Variants in TMEM275 observed in about 807,000 individuals in gnomAD.
TMEM275 encodes transmembrane protein 275.
chr1:46,532,698 A>C, exon 2 of TMEM275: 1 of 254,512 alleles, frequency 3.9e-6, no homozygotes, highest in Non-Finnish European at 7.4e-6. Context: ...ACTTTCAGCA[A>C]GCTGGATGGG....
rs1666707569 is a variant in TMEM275, at chr1:46,534,051, C to CAAAT, written c.-123-405_-123-402dup. Among the ~76,000 whole-genome samples, 1 of 152,160 alleles carries CAAAT rather than the reference C, an allele frequency of 6.6e-6. No individual in the cohort carries two copies. Among genetic ancestry groups the CAAAT allele is most frequent in the South Asian group, 2.1e-4 (1 of 4,820 alleles). On this transcript the variant is annotated intron_variant, in intron 1 of 1. Transcript: ENST00000634804. ...TCTTCAGTAGTCCTAACTAGTAAGG[C>CAAAT]AAATGGCAGCTCTTGGGATTTAGGC...
intron 1 of TMEM275, among the ~76,000 whole-genome samples, 91 bp from the exon 3 acceptor site, chr1:46,534,132 C>T (rs1207330272): frequency 6.6e-6 from 1 of 150,398 alleles, no homozygotes; most frequent in Non-Finnish European, 1.5e-5. Context: ...TGCCCCCCAC[C>T]CCCACCCCCT....
In TMEM275 at chr1:46,533,382, G is replaced by A. The variant is rs1666695946; in HGVS notation, c.146C>T (p.Ala49Val). 2.6e-6 allele frequency: 1 copy of A among 378,452 alleles called. No individual in the cohort carries two copies. The highest frequency in any genetic ancestry group is 3.8e-5 in the East Asian group (1 of 26,362). The allele number at this position is 378,452 out of a possible 1,614,324, so 23.4% of individuals were successfully genotyped here. ...GGGCAAGAAGGAGGCGAAGGCGCCT[G>A]CCAGCGTCACGTTCACGCCCGCCAG... The change falls in exon 2 of 2, where the codon GCA (alanine) becomes GTA (valine). Residue 49 changes from alanine to valine, a missense_variant. Ala to Val is a moderately conservative substitution (Grantham distance 64). Transcript: ENST00000634804. The surrounding 1 kb of genome is among the most constrained non-coding windows in gnomAD (Gnocchi z 4.4).
chr1:46,534,916 A>G (rs1666718378), intron 1 of TMEM275, among the ~76,000 whole-genome samples, 195 bp downstream of exon 1: 1 of 152,148 alleles, frequency 6.6e-6, no homozygotes, highest in African/African-American at 2.4e-5. Context: ...CATAGAACCC[A>G]CCTCATAGGG....
At position 46,533,113 on chromosome 1, in the gene TMEM275, C is replaced by T. The variant is rs927330205; in HGVS notation, c.415G>A (p.Gly139Ser). 38 of 390,990 alleles carry T rather than the reference C, an allele frequency of 9.7e-5. No individual in the cohort carries two copies. The highest frequency in any genetic ancestry group is 1.5e-4 in the Non-Finnish European group (33 of 221,472). 24.2% of individuals were successfully genotyped at this position (390,990 alleles called of 1,614,324 possible). A position where few individuals can be genotyped will look rare whatever the true frequency, so the allele number is the denominator to read the frequency against. ...GGGCTGGGGCCGGGGCTGGAGCAGC[C>T]GGAGGACGCGGCGGAGACGGCAGGG... is the stretch of plus-strand genomic sequence containing the variant. Residue 139 changes from glycine to serine, a missense_variant, in exon 2 of 2, where the codon GGC (glycine) becomes AGC (serine). By Grantham distance (56) the Gly-to-Ser change is moderately conservative (BLOSUM62 0). Transcript: ENST00000634804. The surrounding 1 kb of genome is among the most constrained non-coding windows in gnomAD (Gnocchi z 4.4).
Position 46,533,067 on chromosome 1 carries a change from G to A in TMEM275, c.461C>T (p.Ala154Val). 1 of 395,144 alleles carries A rather than the reference G, an allele frequency of 2.5e-6. No homozygotes were observed. The highest frequency in any genetic ancestry group is 4.5e-6 in the Non-Finnish European group (1 of 223,842). The allele number at this position is 395,144 out of a possible 1,614,324, so 24.5% of individuals were successfully genotyped here. ...GCGCAGCGCGCAGACGGCCGCGGGC[G>A]CCGGGGCCTCCAGGGCGAGGGGGCT... Residue 154 changes from alanine (A) to valine (V), a missense_variant, in exon 2 of 2, where the codon GCG becomes GTG. Coordinates refer to ENST00000634804, the Ensembl canonical transcript of TMEM275. The surrounding 1 kb of genome is among the most constrained non-coding windows in gnomAD (Gnocchi z 4.4).
rs1666695468 is a variant in TMEM275 at position 46,533,360 on chromosome 1, CAAG to C, written c.165_167del (p.Phe55del). On this transcript the variant is annotated inframe_deletion, in exon 2 of 2. Transcript: ENST00000634804. This position sits in a 1 kb window ranked among gnomAD's most constrained non-coding sequence, Gnocchi z 4.4. ...CGACGAGCAGCGCGTTGTGCTCGGGCAAGAAGGAGGCGAAGGCGCCTGCCAGCG... is the reference window on the plus strand; with the variant it reads ...CGACGAGCAGCGCGTTGTGCTCGGGCAAGGAGGCGAAGGCGCCTGCCAGCG... The C allele has an allele frequency of 7.9e-6, 3 of 377,482 alleles. No individual in the cohort carries two copies. Among genetic ancestry groups the C allele is most frequent in the Non-Finnish European group, 1.4e-5 (3 of 212,354 alleles). The allele number at this position is 377,482 out of a possible 1,614,324, so 23.4% of individuals were successfully genotyped here. A position where few individuals can be genotyped will look rare whatever the true frequency, so the allele number is the denominator to read the frequency against.
exon 2 of TMEM275, chr1:46,532,774 G>A: frequency 2.7e-6 from 1 of 367,374 alleles, no homozygotes; most frequent in Non-Finnish European, 4.8e-6. Flanking sequence ...CTTCTTTGGG[G>A]TGTGACCCCT....
Position 46,533,063 on chromosome 1 carries a change from G to C in TMEM275, c.465C>G (p.Pro155=), listed in dbSNP as rs1166803661. ...CCGAGCGCAGCGCGCAGACGGCCGC[G>C]GGCGCCGGGGCCTCCAGGGCGAGGG... The change falls in exon 2 of 2, where the codon CCC becomes CCG. Residue 155 remains proline (P), a synonymous_variant. Coordinates refer to ENST00000634804, the Ensembl canonical transcript of TMEM275. This position sits in a 1 kb window ranked among gnomAD's most constrained non-coding sequence, Gnocchi z 4.4. The C allele has an allele frequency of 2.5e-6, 1 of 395,302 alleles. No homozygotes were observed. Among genetic ancestry groups the C allele is most frequent in the East Asian group, 3.6e-5 (1 of 27,868 alleles). The allele number at this position is 395,302 out of a possible 1,614,324, so 24.5% of individuals were successfully genotyped here.
exon 2 of TMEM275, chr1:46,532,897 C>CT (rs1666684359): frequency 2.6e-6 from 1 of 388,528 alleles, no homozygotes; most frequent in Non-Finnish European, 4.5e-6. Flanking sequence ...AAAAGGTTTT[C>CT]TTTTTTCTTT....
At position 46,534,585 on chromosome 1, in the gene TMEM275, T is replaced by C. The variant is rs1215508913; in HGVS notation, c.-123-935A>G. 6.6e-6 allele frequency among the ~76,000 whole-genome samples: 1 copy of C among 152,236 alleles called. No individual in the cohort carries two copies. Among genetic ancestry groups the C allele is most frequent in the African/African-American group, 2.4e-5 (1 of 41,462 alleles). On this transcript the variant is annotated intron_variant, in intron 1 of 1. Coordinates refer to ENST00000634804, the Ensembl canonical transcript of TMEM275. ...GATCTATCACTGGATTCTAGAATTC[T>C]GGAAATGCATGCAGAAACAAGAGTA...
Position 46,533,306 on chromosome 1 carries a change from G to A in TMEM275, c.222C>T (p.Leu74=), listed in dbSNP as rs1666694299. The change falls in exon 2 of 2, where the codon CTC becomes CTT. Residue 74 remains leucine (L), a synonymous_variant. Coordinates refer to ENST00000634804, the Ensembl canonical transcript of TMEM275. This position sits in a 1 kb window ranked among gnomAD's most constrained non-coding sequence, Gnocchi z 4.4. ...ACACGCAGCAGGCCGCGAAGAAGCC[G>A]AGCGCCAGCACCAGCAGCGCCAGCC... is the stretch of plus-strand genomic sequence containing the variant. 2.7e-6 allele frequency: 1 copy of A among 366,642 alleles called. No individual in the cohort carries two copies. Among genetic ancestry groups the A allele is most frequent in the Non-Finnish European group, 4.9e-6 (1 of 205,436 alleles). The allele number at this position is 366,642 out of a possible 1,614,324, so 22.7% of individuals were successfully genotyped here.
chr1:46,532,319 C>T (rs965519693), exon 2 of TMEM275: 1 of 152,336 alleles, frequency 6.6e-6, no homozygotes, highest in Non-Finnish European at 1.5e-5. Flanking sequence ...TCTGTCAGGG[C>T]CCCAGTCTCA....
rs112643900 is a variant in TMEM275 at position 46,535,291 on chromosome 1, C to T, written c.-123-1641G>A. Among the ~76,000 whole-genome samples the T allele has an allele frequency of 3.0e-3, 462 of 152,310 alleles. 3 individuals are homozygous for T. Among genetic ancestry groups the T allele is most frequent in the Non-Finnish European group, 4.4e-3 (297 of 68,036 alleles). ...GACTCCAGGGCTCCCTCTCCTGGCA[C>T]CATGCTGAGAGGTGGCAGCCCTACT... On this transcript the variant is annotated intron_variant, in intron 1 of 1. In the 5' UTR this introduces an upstream ATG that the reference lacks. Coordinates refer to ENST00000634804, the Ensembl canonical transcript of TMEM275.
intron 1 of TMEM275, among the ~76,000 whole-genome samples, 85 bp downstream of exon 1, chr1:46,535,026 G>A (rs1239827014): frequency 6.6e-6 from 1 of 152,226 alleles, no homozygotes; most frequent in African/African-American, 2.4e-5. Flanking sequence ...TGACAGAGAA[G>A]GGAGTCATGA....
chr1:46,533,977 C>G lies in TMEM275; in HGVS notation c.-123-327G>C, dbSNP rs1415436616. ...AGTGAGATAGTGGCTGGAAAGTGCT[C>G]AGCACAGTGTCCAGTTCAGCTTAGG... On this transcript the variant is annotated intron_variant, in intron 1 of 1. Transcript: ENST00000634804. The surrounding 1 kb of genome is among the most constrained non-coding windows in gnomAD (Gnocchi z 4.4). Among the ~76,000 whole-genome samples the G allele has an allele frequency of 6.6e-6, 1 of 152,182 alleles. No homozygotes were observed.
rs1405394941 is a variant in TMEM275, at chr1:46,533,605, C to CA, written c.-79dup. 5 of 373,180 alleles carry CA rather than the reference C, an allele frequency of 1.3e-5. No individual in the cohort carries two copies. The highest frequency in any genetic ancestry group is 2.4e-5 in the Non-Finnish European group (5 of 210,574). 23.1% of individuals were successfully genotyped at this position (373,180 alleles called of 1,614,324 possible). On this transcript the variant is annotated 5_prime_UTR_variant, in exon 2 of 2. Coordinates refer to ENST00000634804, the Ensembl canonical transcript of TMEM275. The surrounding 1 kb of genome is among the most constrained non-coding windows in gnomAD (Gnocchi z 4.4). ...ACAGCCCAACTGCCAGGAGCCTCCT[C>CA]ACGCTGGTCCTGTGGGCAACTGCCA...
exon 2 of TMEM275, chr1:46,532,362 G>C (rs1387777660): frequency 6.6e-6 from 1 of 152,290 alleles, no homozygotes; most frequent in Non-Finnish European, 1.5e-5. Flanking sequence ...CAGAAAGGGT[G>C]GGGAGTGCTC....
intron 1 of TMEM275, among the ~76,000 whole-genome samples, 165 bp from the exon 2 acceptor site, chr1:46,534,748 G>A (rs1666715590): frequency 6.6e-6 from 1 of 152,196 alleles, no homozygotes; most frequent in African/African-American, 2.4e-5. Flanking sequence ...GGGAAAAAAT[G>A]CCAGAAAAGG....
Sources: gnomAD v4.1 joint callset for allele counts (sites outside exome capture counted in the v4.1 genomes callset) on GRCh38, gnomAD v4.1.1 for gene constraint, Gnocchi (gnomAD v3.1) non-coding constraint, MANE v1.5 for transcripts, NCBI Gene and HGNC (gene_info 2026-07-23, HGNC 2026-07-21) for gene names.